The following ADGRV1 variants were observed in gnomAD, a reference collection of about 807,000 sequenced individuals.
ADGRV1 encodes the protein adhesion G protein-coupled receptor V1.
ADGRV1 carries 359 observed loss-of-function variants against 596.2 expected under a neutral mutation model. That is an observed-to-expected ratio of 0.60 (90% CI 0.55 to 0.66). The LOEUF (loss-of-function observed/expected upper bound fraction) is 0.66. Among genes scored for constraint, ADGRV1 ranks in the 30% least tolerant of loss-of-function variants. The pLI, the probability that ADGRV1 is intolerant of heterozygous loss-of-function variation, is 0.00. For missense variants in ADGRV1, 7,274 were observed against 7,575.6 expected (o/e 0.96, Z 1.48); for synonymous variants, 2,681 against 2,679.2 (o/e 1.00, Z -0.02).
chr5:90,613,711 T>C (rs946515102), intron 1 of ADGRV1, among the ~76,000 whole-genome samples: 1 of 152,092 alleles, frequency 6.6e-6, no homozygotes, highest in Non-Finnish European at 1.5e-5. Flanking sequence ...GAGACATCAT[T>C]GAGCAGTCTC....
chr5:90,756,692 T>G, intron 56 of ADGRV1, 62 bp downstream of exon 56: 1 of 1,339,098 alleles, frequency 7.5e-7, no homozygotes, highest in Non-Finnish European at 1.0e-6. Context: ...ATTTGGCCAG[T>G]GTTTTATGTT....
chr5:90,708,953 G>A (rs1034498577), intron 39 of ADGRV1, 44 bp downstream of exon 39: 2 of 1,289,440 alleles, frequency 1.6e-6, no homozygotes, highest in Admixed American at 1.7e-5. Flanking sequence ...CACTTCAAAT[G>A]AAATGAAGAA....
chr5:90,579,954 CA>C lies in ADGRV1; in HGVS notation c.22+21038del. Among the ~76,000 whole-genome samples the C allele has an allele frequency of 2.6e-5, 4 of 151,434 alleles. 1 individual carries two copies. Among genetic ancestry groups the C allele is most frequent in the Admixed American group, 2.6e-4 (4 of 15,246 alleles). On this transcript the variant is annotated intron_variant, in intron 1 of 89. Transcript: ENST00000405460. ...CAACCCCTGCTTTTTTTTTGCTTTC[CA>C]TTTGCTTGGTAGATCTTCCTCCGTC...
intron 52 of ADGRV1, among the ~76,000 whole-genome samples, chr5:90,746,644 T>C (rs938888110): frequency 6.6e-6 from 1 of 152,198 alleles, no homozygotes; most frequent in Admixed American, 6.5e-5. Context: ...TTCATTTGGT[T>C]GTTTGAAAGC....
At chr5:91,014,026 C>T (rs1208803487) in intron 85 of ADGRV1, among the ~76,000 whole-genome samples, 1 of 151,580 alleles carries the variant, frequency 6.6e-6, no homozygotes, top group Non-Finnish European at 1.5e-5. Context: ...AGGTATGTGG[C>T]CTTATTTCTG....
At chr5:91,035,861 T>TATTATATATATATATATATA in intron 85 of ADGRV1, among the ~76,000 whole-genome samples, 76 of 96,352 alleles carry the variant, frequency 7.9e-4, no homozygotes, top group African/African-American at 2.5e-3. Context: ...TATATATATA[T>TATTATATATATATATATATA]TATATATATA....
chr5:90,977,778 A>G lies in ADGRV1; in HGVS notation c.17974-7566A>G, dbSNP rs1047007156. ...AGACACAGTCTTTTAGTTTACTGCT[A>G]TCTATATTTGACCTAAATTATATCT... is the stretch of plus-strand genomic sequence containing the variant. On this transcript the variant is annotated intron_variant, in intron 84 of 89. Transcript: ENST00000405460. Among the ~76,000 whole-genome samples, 5 of 152,170 alleles carry G rather than the reference A, an allele frequency of 3.3e-5. No individual in the cohort carries two copies. In the South Asian group the frequency reaches 8.3e-4, roughly 25 times the overall value.
chr5:90,760,487 T>C (rs1268435344), intron 58 of ADGRV1, among the ~76,000 whole-genome samples: 1 of 152,166 alleles, frequency 6.6e-6, no homozygotes, highest in Non-Finnish European at 1.5e-5. Flanking sequence ...GTACTTTTCA[T>C]CCATACCACC....
At chr5:90,650,695 T>C (rs1448161316) in intron 17 of ADGRV1, among the ~76,000 whole-genome samples, 2 of 151,994 alleles carry the variant, frequency 1.3e-5, no homozygotes, top group Non-Finnish European at 2.9e-5. Context: ...AATGAGCTTA[T>C]AGTAAAATTA....
Position 90,601,380 on chromosome 5 carries a change from T to G in ADGRV1, c.23-13455T>G, listed in dbSNP as rs1761391592. 2.0e-5 allele frequency among the ~76,000 whole-genome samples: 3 copies of G among 152,308 alleles called. No individual in the cohort carries two copies. In the East Asian group the frequency reaches 5.8e-4, roughly 29 times the overall value. ...AATATCATACCACTAGGAACTCCAC[T>G]TACCAAACCTGAGATGCAGCCAAAA... On this transcript the variant is annotated intron_variant, in intron 1 of 89. Coordinates refer to ENST00000405460, the MANE Select transcript of ADGRV1 (RefSeq NM_032119.4).
chr5:90,590,381 G>A (rs1179398562), intron 1 of ADGRV1, among the ~76,000 whole-genome samples: 2 of 152,096 alleles, frequency 1.3e-5, no homozygotes, highest in Non-Finnish European at 2.9e-5. Context: ...GAGTTGTGAT[G>A]TCATATCTGG....
intron 83 of ADGRV1, among the ~76,000 whole-genome samples, chr5:90,957,432 A>G (rs944733244): frequency 6.6e-6 from 1 of 151,584 alleles, no homozygotes; most frequent in African/African-American, 2.4e-5. Context: ...AATGACTCAT[A>G]AAGATCTGTT....
At chr5:91,048,469 G>A (rs186947773) in intron 85 of ADGRV1, among the ~76,000 whole-genome samples, 5 of 152,126 alleles carry the variant, frequency 3.3e-5, no homozygotes, top group Admixed American at 6.5e-5. Flanking sequence ...TCTCACACTG[G>A]AGATTTTCCA....
At chr5:90,976,622 T>C (rs975647490) in intron 84 of ADGRV1, among the ~76,000 whole-genome samples, 3 of 151,994 alleles carry the variant, frequency 2.0e-5, no homozygotes, top group Non-Finnish European at 4.4e-5. Flanking sequence ...ATGCTCTCAG[T>C]TGGATTTCCA....
intron 85 of ADGRV1, among the ~76,000 whole-genome samples, chr5:91,044,400 A>T (rs998764501): frequency 6.6e-6 from 1 of 152,194 alleles, no homozygotes; most frequent in African/African-American, 2.4e-5. Flanking sequence ...AAAAATGATA[A>T]TACTTTCTAT....
chr5:90,829,562 T>A (rs531162785), intron 77 of ADGRV1, among the ~76,000 whole-genome samples: 1 of 152,298 alleles, frequency 6.6e-6, no homozygotes, highest in African/African-American at 2.4e-5. Flanking sequence ...GAAAATTTTC[T>A]TTTTCAGAAC....
chr5:90,855,079 A>C (rs1021123602), intron 81 of ADGRV1, among the ~76,000 whole-genome samples: 2 of 152,204 alleles, frequency 1.3e-5, no homozygotes, highest in African/African-American at 2.4e-5. Context: ...TAAAAAAGTA[A>C]AGAAATTAAG....
chr5:91,150,307 G>A (rs1274308434), intron 88 of ADGRV1, 86 bp downstream of exon 88: 2 of 1,084,820 alleles, frequency 1.8e-6, no homozygotes, highest in Non-Finnish European at 2.5e-6. Context: ...GTGTCTGTCT[G>A]TCTCATTGAC....
At chr5:90,587,558 T>C (rs1758925448) in intron 1 of ADGRV1, among the ~76,000 whole-genome samples, 1 of 103,410 alleles carries the variant, frequency 9.7e-6, no homozygotes, top group African/African-American at 7.1e-5. Flanking sequence ...TCTGTGTCTT[T>C]TTTTTTTTTT....
Sources: gnomAD v4.1 joint callset for allele counts (sites outside exome capture counted in the v4.1 genomes callset) on GRCh38, gnomAD v4.1.1 for gene constraint, MANE v1.5 for transcripts, NCBI Gene and HGNC (gene_info 2026-07-23, HGNC 2026-07-21) for gene names.